GABRA4: variants seen among roughly 807,000 people sequenced by gnomAD.
GABRA4 encodes the protein gamma-aminobutyric acid receptor subunit alpha-4.
GABRA4 carries 12 observed loss-of-function variants against 49.7 expected under a neutral mutation model. The ratio of observed to expected loss-of-function variants is 0.24; its 90% CI spans 0.15 to 0.39. The LOEUF (loss-of-function observed/expected upper bound fraction) is 0.39, where lower values mean the gene tolerates loss of function less well. Among genes scored for constraint, GABRA4 ranks in the 10% least tolerant of loss-of-function variants. The pLI, the probability that GABRA4 is intolerant of heterozygous loss-of-function variation, is 1.00. For missense variants in GABRA4, 506 were observed against 686.0 expected, an observed-to-expected ratio of 0.74 and a Z score of 2.93; for synonymous variants, 288 against 240.2, an observed-to-expected ratio of 1.20 and a Z score of -1.84.
At chr4:46,986,805 G>A (rs1442251693) in intron 2 of GABRA4, among the ~76,000 whole-genome samples, 1 of 151,952 alleles carries the variant, frequency 6.6e-6, no homozygotes, top group Non-Finnish European at 1.5e-5. Flanking sequence ...ATTTTTCTAG[G>A]TGTTCAAATC....
At chr4:46,964,453 G>A (rs1197378471) in intron 8 of GABRA4, among the ~76,000 whole-genome samples, 1 of 151,768 alleles carries the variant, frequency 6.6e-6, no homozygotes, top group Non-Finnish European at 1.5e-5. Context: ...AATACTTGAA[G>A]AAATGGCTAC....
chr4:46,949,161 G>A (rs1208996641), intron 8 of GABRA4, among the ~76,000 whole-genome samples: 1 of 152,048 alleles, frequency 6.6e-6, no homozygotes, highest in Non-Finnish European at 1.5e-5. Flanking sequence ...GAGTAGCTAG[G>A]TGCACTTACT....
intron 8 of GABRA4, among the ~76,000 whole-genome samples, chr4:46,942,175 T>A (rs932325430): frequency 1.3e-5 from 2 of 152,124 alleles, no homozygotes; most frequent in African/African-American, 4.8e-5. Context: ...GTGATACAAG[T>A]ATAGAAAAAC....
chr4:46,924,588 T>C lies in GABRA4; in HGVS notation c.*3637A>G, dbSNP rs12506608. On this transcript the variant is annotated 3_prime_UTR_variant, in exon 9 of 9. Coordinates refer to ENST00000264318, the MANE Select transcript of GABRA4 (RefSeq NM_000809.4). ...CCCAGAAAAGAGAAATAGCCAATAT[T>C]CTACTGTCTTTAAAGAATACAGTCT... The C allele has an allele frequency of 0.27, 40,919 of 151,902 alleles. 5,869 individuals carry two copies. Among genetic ancestry groups the C allele is most frequent in the East Asian group, 0.37 (1,929 of 5,170 alleles). 9.4% of individuals were successfully genotyped at this position (151,902 alleles called of 1,614,324 possible). A position where few individuals can be genotyped will look rare whatever the true frequency, so the allele number is the denominator to read the frequency against.
intron 8 of GABRA4, among the ~76,000 whole-genome samples, chr4:46,940,926 C>G (rs1409056354): frequency 2.6e-5 from 4 of 152,090 alleles, no homozygotes; most frequent in African/African-American, 9.7e-5. Flanking sequence ...TTAACTTTCT[C>G]TGAGTCTAGC....
chr4:46,925,014 A>C lies in GABRA4; in HGVS notation c.*3211T>G, dbSNP rs747073238. On this transcript the variant is annotated 3_prime_UTR_variant, in exon 9 of 9. Transcript: ENST00000264318. ...ACAAATTGAGAAGAGAAGACCATTAAGAACAGGAATGGGGAGAGTGGAGAT... is the reference window on the plus strand; with the variant it reads ...ACAAATTGAGAAGAGAAGACCATTACGAACAGGAATGGGGAGAGTGGAGAT... 1.3e-5 allele frequency: 2 copies of C among 152,034 alleles called. No individual in the cohort carries two copies. The highest frequency in any genetic ancestry group is 4.8e-5 in the African/African-American group (2 of 41,438). 9.4% of individuals were successfully genotyped at this position (152,034 alleles called of 1,614,324 possible). A position where few individuals can be genotyped will look rare whatever the true frequency, so the allele number is the denominator to read the frequency against.
chr4:46,959,313 T>C (rs1355368944), intron 8 of GABRA4, among the ~76,000 whole-genome samples: 2 of 151,964 alleles, frequency 1.3e-5, no homozygotes, highest in Admixed American at 6.6e-5. Context: ...CCACAGATAG[T>C]CTTCAAGTAA....
At chr4:46,956,429 A>T (rs1044003734) in intron 8 of GABRA4, among the ~76,000 whole-genome samples, 2 of 152,106 alleles carry the variant, frequency 1.3e-5, no homozygotes, top group African/African-American at 4.8e-5. Flanking sequence ...TGAAGTGAAA[A>T]TCTGAAACTG....
intron 8 of GABRA4, among the ~76,000 whole-genome samples, chr4:46,950,745 A>T (rs28684796): frequency 0.091 from 13,822 of 151,134 alleles, 774 homozygotes; most frequent in South Asian, 0.19. Context: ...ATAAATAAAT[A>T]AATTACTATA....
At chr4:46,951,800 G>C (rs1173610624) in intron 8 of GABRA4, among the ~76,000 whole-genome samples, 1 of 120,464 alleles carries the variant, frequency 8.3e-6, no homozygotes, top group African/African-American at 3.2e-5. Flanking sequence ...GTGTACGTGT[G>C]TGTGTGTGTG....
Position 46,928,524 on chromosome 4 carries a change from G to A in GABRA4, c.1366C>T (p.Pro456Ser), listed in dbSNP as rs1721318414. ...ATATATCCAGTTCGGATAGAAGTAG[G>A]AGAAGCAGATGGAAGTGCTCTTGCT... is the stretch of plus-strand genomic sequence containing the variant. ...SAARALPSAS[P>S]TSIRTGYMPR... The change falls in exon 9 of 9, where the codon CCT (proline) becomes TCT (serine). Residue 456 changes from proline (P) to serine (S), a missense_variant. By Grantham distance (74) the Pro-to-Ser change is moderately conservative. This residue lies in a region of GABRA4 where 243 missense variants were observed against 210.8 expected (regional missense o/e 1.15). Coordinates refer to ENST00000264318, the MANE Select transcript of GABRA4 (RefSeq NM_000809.4). The A allele has an allele frequency of 1.9e-6, 3 of 1,613,678 alleles. No homozygotes were observed. The highest frequency in any genetic ancestry group is 2.5e-6 in the Non-Finnish European group (3 of 1,179,732).
In GABRA4 at chr4:46,924,106, T is replaced by C. The variant is rs1486711164; in HGVS notation, c.*4119A>G. 1.3e-5 allele frequency: 2 copies of C among 152,176 alleles called. No homozygotes were observed. Among genetic ancestry groups the C allele is most frequent in the Admixed American group, 1.3e-4 (2 of 15,252 alleles). The allele number at this position is 152,176 out of a possible 1,614,324, so 9.4% of individuals were successfully genotyped here. A position where few individuals can be genotyped will look rare whatever the true frequency, so the allele number is the denominator to read the frequency against. ...TTCTCTGCTATCACTCTTGTTCCTC[T>C]CCTTCAACAATGTAATTAAGTTATG... On this transcript the variant is annotated 3_prime_UTR_variant, in exon 9 of 9. Transcript: ENST00000264318.
Position 46,934,884 on chromosome 4 carries a change from C to T in GABRA4, c.1135-6129G>A, listed in dbSNP as rs561596994. ...GAGGTTCTTAGCTTGATTAAGCAAA[C>T]TTGTTCAAATGCTACCTGAAATCAT... On this transcript the variant is annotated intron_variant, in intron 8 of 8. Coordinates refer to ENST00000264318, the MANE Select transcript of GABRA4 (RefSeq NM_000809.4). Among the ~76,000 whole-genome samples the T allele has an allele frequency of 4.6e-5, 7 of 152,262 alleles. No homozygotes were observed. The East Asian group carries it at 1.4e-3, about 29-fold the overall frequency.
intron 7 of GABRA4, among the ~76,000 whole-genome samples, chr4:46,967,861 C>T (rs1722817804): frequency 6.6e-6 from 1 of 151,580 alleles, no homozygotes. Context: ...GAATTTTTGG[C>T]TGGCCACTCC....
intron 2 of GABRA4, among the ~76,000 whole-genome samples, chr4:46,987,299 T>G (rs1187361840): frequency 6.6e-6 from 1 of 152,166 alleles, no homozygotes; most frequent in Admixed American, 6.6e-5. Context: ...ATGTGGTTTA[T>G]GCTTTTACTG....
chr4:46,928,469 G>A lies in GABRA4; in HGVS notation c.1421C>T (p.Ser474Phe). 1.9e-6 allele frequency: 3 copies of A among 1,613,718 alleles called. No homozygotes were observed. Among genetic ancestry groups the A allele is most frequent in the Non-Finnish European group, 1.7e-6 (2 of 1,179,736 alleles). Residue 474 changes from serine (S) to phenylalanine (F), a missense_variant, in exon 9 of 9, where the codon TCT becomes TTT. Ser to Phe is a radical substitution (Grantham distance 155, BLOSUM62 -2). Coordinates refer to ENST00000264318, the MANE Select transcript of GABRA4 (RefSeq NM_000809.4). ...MPRKASVGSA[S>F]TRHVFGSRLQ... ...TCTTGATCCAAACACGTGACGAGTA[G>A]AAGCAGATCCAACTGAAGCCTTTCG...
intron 8 of GABRA4, among the ~76,000 whole-genome samples, chr4:46,950,297 G>T (rs1722125939): frequency 6.6e-6 from 1 of 152,004 alleles, no homozygotes; most frequent in Non-Finnish European, 1.5e-5. Context: ...CCCCCATTAG[G>T]CCCAGGCACA....
chr4:46,961,206 G>A (rs1722561577), intron 8 of GABRA4, among the ~76,000 whole-genome samples: 1 of 151,740 alleles, frequency 6.6e-6, no homozygotes, highest in East Asian at 1.9e-4. Context: ...CTGCACACAC[G>A]CCATTCTTAA....
chr4:46,988,346 T>G (rs2109408337), intron 2 of GABRA4, among the ~76,000 whole-genome samples: 1 of 152,312 alleles, frequency 6.6e-6, no homozygotes, highest in East Asian at 1.9e-4. Flanking sequence ...TTCACAACCT[T>G]ACATTTTTCC....
Sources: allele counts gnomAD v4.1 joint callset (sites outside exome capture counted in the v4.1 genomes callset), GRCh38; gene constraint gnomAD v4.1.1; regional missense constraint gnomAD v4.1.1; transcripts MANE v1.5; gene names NCBI Gene and HGNC (gene_info 2026-07-23, HGNC 2026-07-21).